RAB3IP: variants seen among roughly 807,000 people sequenced by gnomAD.
The protein encoded by RAB3IP is rab-3A-interacting protein.
Under a neutral mutation model 59.1 loss-of-function variants are expected in RAB3IP, and 36 were observed. That is an observed-to-expected ratio of 0.61 (90% CI 0.47 to 0.80). The LOEUF (loss-of-function observed/expected upper bound fraction) is 0.80. Ranked by LOEUF, RAB3IP falls within the 30% of genes least tolerant of loss-of-function variation. RAB3IP has a pLI of 0.00. For missense variants in RAB3IP, 511 were observed against 536.0 expected (o/e 0.95, Z 0.46); for synonymous variants, 207 against 191.2 (o/e 1.08, Z -0.68).
intron 4 of RAB3IP, among the ~76,000 whole-genome samples, chr12:69,788,224 T>C (rs969008041): frequency 6.6e-6 from 1 of 152,138 alleles, no homozygotes; most frequent in Non-Finnish European, 1.5e-5. Flanking sequence ...ATTTTGTCAT[T>C]ATAGATTTCA....
At chr12:69,797,466 T>C (rs1277826472) in intron 6 of RAB3IP, among the ~76,000 whole-genome samples, 1 of 144,320 alleles carries the variant, frequency 6.9e-6, no homozygotes, top group Non-Finnish European at 1.5e-5. Flanking sequence ...TATGTCCTTT[T>C]TCTTTTCTTT....
chr12:69,817,688 T>A lies in RAB3IP; in HGVS notation c.*2242T>A, dbSNP rs916651752. 2 of 50,056 alleles carry A rather than the reference T, an allele frequency of 4.0e-5. No individual in the cohort carries two copies. The highest frequency in any genetic ancestry group is 7.2e-3 in the Middle Eastern group (1 of 138). The allele number at this position is 50,056 out of a possible 1,614,324, so 3.1% of individuals were successfully genotyped here. On this transcript the variant is annotated 3_prime_UTR_variant, in exon 11 of 11. Transcript: ENST00000247833. ...CACACACACACACACACACACACAC[T>A]GTGTCCATGAACTTGGGAGGATGAG...
At position 69,756,672 on chromosome 12, in the gene RAB3IP, G is replaced by A; in HGVS notation, c.510+9G>A. The A allele has an allele frequency of 6.2e-7, 1 of 1,604,894 alleles. No individual in the cohort carries two copies. Among genetic ancestry groups the A allele is most frequent in the Non-Finnish European group, 8.5e-7 (1 of 1,176,122 alleles). Reference sequence around the variant, plus strand: ...TCGCAAAAGCTCAGAGGGTAAGAAAGAAGATATTTTATTCTTCCATATATT... The same window carrying A: ...TCGCAAAAGCTCAGAGGGTAAGAAAAAAGATATTTTATTCTTCCATATATT... On this transcript the variant is annotated intron_variant, in intron 3 of 10. Coordinates refer to ENST00000247833, the MANE Select transcript of RAB3IP (RefSeq NM_022456.5).
At chr12:69,789,456 A>C (rs1378516047) in intron 4 of RAB3IP, among the ~76,000 whole-genome samples, 4 of 152,142 alleles carry the variant, frequency 2.6e-5, no homozygotes, top group South Asian at 4.1e-4. Context: ...GGAATCAAGA[A>C]GTAGAAACAA....
chr12:69,761,742 A>G (rs1871340189), intron 3 of RAB3IP, among the ~76,000 whole-genome samples: 2 of 152,242 alleles, frequency 1.3e-5, no homozygotes, highest in African/African-American at 4.8e-5. Context: ...GTGTTTGTAT[A>G]CACACATGCC....
intron 3 of RAB3IP, among the ~76,000 whole-genome samples, chr12:69,780,171 C>A (rs1273342407): frequency 6.6e-6 from 1 of 152,212 alleles, no homozygotes; most frequent in East Asian, 1.9e-4. Flanking sequence ...CGACCCGAAC[C>A]TGGAAGCCTG....
intron 4 of RAB3IP, among the ~76,000 whole-genome samples, chr12:69,787,269 C>G (rs1175444127): frequency 2.6e-4 from 39 of 152,042 alleles, no homozygotes; most frequent in Non-Finnish European, 4.4e-5. Context: ...TGTTTTTCTT[C>G]TAACGCCTCC....
intron 8 of RAB3IP, among the ~76,000 whole-genome samples, chr12:69,804,851 C>G (rs1054678796): frequency 2.6e-5 from 4 of 152,032 alleles, no homozygotes; most frequent in African/African-American, 9.7e-5. Flanking sequence ...TTCCATTGGT[C>G]TATATCTCTG....
In RAB3IP at chr12:69,796,255, G is replaced by A. The variant is rs146973727; in HGVS notation, c.888+911G>A. On this transcript the variant is annotated intron_variant, in intron 6 of 10. Coordinates refer to ENST00000247833, the MANE Select transcript of RAB3IP (RefSeq NM_022456.5). ...GCGGAGGTTGCGGTCAGCTGAGATTGCGCCATCACACTCCAGCCTGGGCAA... is the reference window on the plus strand; with the variant it reads ...GCGGAGGTTGCGGTCAGCTGAGATTACGCCATCACACTCCAGCCTGGGCAA... The A allele has an allele frequency of 2.5e-3, 380 of 154,010 alleles. 1 individual carries two copies. Among genetic ancestry groups the A allele is most frequent in the Admixed American group, 5.0e-3 (76 of 15,328 alleles). The allele number at this position is 154,010 out of a possible 1,614,324, so 9.5% of individuals were successfully genotyped here. A position where few individuals can be genotyped will look rare whatever the true frequency, so the allele number is the denominator to read the frequency against.
chr12:69,796,977 C>G (rs1006864797), intron 6 of RAB3IP, among the ~76,000 whole-genome samples: 4 of 152,154 alleles, frequency 2.6e-5, no homozygotes, highest in African/African-American at 9.7e-5. Context: ...CTTTGCTCTT[C>G]AGGTACGTGT....
intron 3 of RAB3IP, among the ~76,000 whole-genome samples, chr12:69,768,924 C>T (rs1872661647): frequency 1.3e-5 from 2 of 152,060 alleles, no homozygotes; most frequent in African/African-American, 2.4e-5. Context: ...GGCTGTGTCC[C>T]CACCCAAATC....
At position 69,816,087 on chromosome 12, in the gene RAB3IP, C is replaced by T. The variant is rs980101678; in HGVS notation, c.*641C>T. 2.6e-5 allele frequency: 4 copies of T among 152,162 alleles called. No individual in the cohort carries two copies. Among genetic ancestry groups the T allele is most frequent in the African/African-American group, 4.8e-5 (2 of 41,422 alleles). 9.4% of individuals were successfully genotyped at this position (152,162 alleles called of 1,614,324 possible). ...ATCCCAGAGATGTATTCCTGAGTGT[C>T]TTGATATAGTGTATTCATGTTTTAT... is the stretch of plus-strand genomic sequence containing the variant. On this transcript the variant is annotated 3_prime_UTR_variant, in exon 11 of 11. Coordinates refer to ENST00000247833, the MANE Select transcript of RAB3IP (RefSeq NM_022456.5).
intron 1 of RAB3IP, among the ~76,000 whole-genome samples, chr12:69,753,931 T>C (rs748723350): frequency 7.9e-5 from 12 of 152,196 alleles, no homozygotes; most frequent in Non-Finnish European, 1.8e-4. Context: ...TGAACTGTTT[T>C]TTGCTTATGG....
chr12:69,763,987 ATTTTCT>A (rs1415488248), intron 3 of RAB3IP, among the ~76,000 whole-genome samples: 2 of 152,044 alleles, frequency 1.3e-5, no homozygotes, highest in African/African-American at 4.8e-5. Context: ...TATGCACTAC[ATTTTCT>A]TTATCTGATC....
chr12:69,813,071 AGTTCAGC>A (rs1233079420), intron 10 of RAB3IP, 38 bp downstream of exon 10: 1 of 1,475,706 alleles, frequency 6.8e-7, no homozygotes. Context: ...TTTACATAAA[AGTTCAGC>A]AAAAAGTATA....
At chr12:69,751,000 A>T (rs1464845272) in intron 1 of RAB3IP, among the ~76,000 whole-genome samples, 1 of 152,164 alleles carries the variant, frequency 6.6e-6, no homozygotes, top group African/African-American at 2.4e-5. Context: ...AATTCTGCTA[A>T]AAAGAACTTT....
chr12:69,768,594 C>T (rs971165910), intron 3 of RAB3IP, among the ~76,000 whole-genome samples: 1 of 152,120 alleles, frequency 6.6e-6, no homozygotes, highest in Non-Finnish European at 1.5e-5. Context: ...CACTGCACCG[C>T]GATCTCAGGA....
At position 69,755,579 on chromosome 12, in the gene RAB3IP, A is replaced by G. The variant is rs145715228; in HGVS notation, c.171A>G (p.Ala57=). Residue 57 remains alanine (A), a synonymous_variant, in exon 2 of 11, where the codon GCA becomes GCG. Coordinates refer to ENST00000247833, the MANE Select transcript of RAB3IP (RefSeq NM_022456.5). ...ALSSVPIQAN[A]LDVSELPTQP... ...CCTCTGTACCTATCCAGGCAAATGCATTAGATGTTTCTGAACTTCCTACAC... is the reference window on the plus strand; with the variant it reads ...CCTCTGTACCTATCCAGGCAAATGCGTTAGATGTTTCTGAACTTCCTACAC... 1.2e-5 allele frequency: 19 copies of G among 1,613,988 alleles called. No individual in the cohort carries two copies. Among genetic ancestry groups the G allele is most frequent in the Non-Finnish European group, 1.5e-5 (18 of 1,180,014 alleles).
At chr12:69,764,671 G>A (rs1435644203) in intron 3 of RAB3IP, among the ~76,000 whole-genome samples, 1 of 148,154 alleles carries the variant, frequency 6.7e-6, no homozygotes, top group African/African-American at 2.5e-5. Flanking sequence ...TTTTTTTTTA[G>A]TTCTGTGAAA....
Sources: allele counts gnomAD v4.1 joint callset (sites outside exome capture counted in the v4.1 genomes callset), GRCh38; gene constraint gnomAD v4.1.1; transcripts MANE v1.5; gene names NCBI Gene and HGNC (gene_info 2026-07-23, HGNC 2026-07-21).